Variants in SPECC1L observed in about 807,000 individuals in gnomAD.
The protein encoded by SPECC1L is sperm antigen with calponin homology and coiled-coil domains 1 like.
In SPECC1L, 40 loss-of-function variants were observed where a neutral mutation model predicts 116.8. That is an observed-to-expected ratio of 0.34 (90% CI 0.27 to 0.45). The LOEUF (loss-of-function observed/expected upper bound fraction) is 0.45, where lower values mean the gene tolerates loss of function less well. SPECC1L is among the 20% of genes least tolerant of loss of function. The pLI is 1.00. For synonymous variants in SPECC1L, 504 were observed against 500.6 expected, an observed-to-expected ratio of 1.01 and a Z score of -0.09; for missense variants, 1,110 against 1,373.6, an observed-to-expected ratio of 0.81 and a Z score of 3.03.
intron 14 of SPECC1L, among the ~76,000 whole-genome samples, chr22:24,379,560 G>A (rs2042026643): frequency 6.6e-6 from 1 of 152,006 alleles, no homozygotes. Flanking sequence ...CTAATAATTT[G>A]AAGTTTTTTC....
intron 8 of SPECC1L, 129 bp downstream of exon 8, chr22:24,330,560 C>T (rs2040917500): frequency 1.0e-6 from 1 of 994,278 alleles, no homozygotes; most frequent in Admixed American, 2.0e-5. Flanking sequence ...ATGGAAGTTA[C>T]TCAGCTTTTC....
rs1266693404 is a variant in SPECC1L, at chr22:24,317,335, G to A, written c.307+3869G>A. Among the ~76,000 whole-genome samples the A allele has an allele frequency of 8.8e-4, 105 of 118,776 alleles. 1 individual carries two copies. The highest frequency in any genetic ancestry group is 2.5e-3 in the African/African-American group (85 of 33,760). The allele number at this position is 118,776 out of a possible 152,430, so 77.9% of individuals were successfully genotyped here. ...GGCTGACCCCCCCCACCTCCCTCCC[G>A]GACGGGGCGGCTGGCCGGGCAGAGG... On this transcript the variant is annotated intron_variant, in intron 4 of 16. Coordinates refer to ENST00000314328, the MANE Select transcript of SPECC1L (RefSeq NM_015330.6).
intron 1 of SPECC1L, among the ~76,000 whole-genome samples, chr22:24,271,664 C>T (rs1202608734): frequency 6.6e-6 from 1 of 152,180 alleles, no homozygotes; most frequent in Non-Finnish European, 1.5e-5. Context: ...GGCAAGCTGC[C>T]CTGGAGATGA....
chr22:24,360,159 C>T (rs1418748685), intron 11 of SPECC1L, among the ~76,000 whole-genome samples: 1 of 152,202 alleles, frequency 6.6e-6, no homozygotes, highest in Non-Finnish European at 1.5e-5. Context: ...TATCTCCTGC[C>T]TGCTACACTC....
chr22:24,320,315 G>C (rs529113364), intron 4 of SPECC1L, among the ~76,000 whole-genome samples: 3 of 152,200 alleles, frequency 2.0e-5, no homozygotes, highest in East Asian at 3.9e-4. Context: ...AAAACTTCCT[G>C]TTCTTTTTGT....
At chr22:24,373,081 C>A (rs1466484752) in intron 14 of SPECC1L, among the ~76,000 whole-genome samples, 1 of 152,072 alleles carries the variant, frequency 6.6e-6, no homozygotes, top group Non-Finnish European at 1.5e-5. Flanking sequence ...ACATGAAGGA[C>A]CTCTTCAAGG....
intron 14 of SPECC1L, among the ~76,000 whole-genome samples, chr22:24,396,629 T>C (rs1404637393): frequency 6.6e-6 from 1 of 152,218 alleles, no homozygotes; most frequent in Non-Finnish European, 1.5e-5. Context: ...CTGAAACATA[T>C]TATTATTTCC....
chr22:24,304,104 T>C (rs2049441562), intron 3 of SPECC1L, among the ~76,000 whole-genome samples: 1 of 152,138 alleles, frequency 6.6e-6, no homozygotes, highest in Non-Finnish European at 1.5e-5. Context: ...TTTTTTTTCC[T>C]GTGCTTCTCT....
At chr22:24,301,775 C>T (rs530009939) in intron 2 of SPECC1L, among the ~76,000 whole-genome samples, 75 of 152,222 alleles carry the variant, frequency 4.9e-4, no homozygotes, top group African/African-American at 1.3e-3. Context: ...GAGCCAGGCA[C>T]GGTGCTCACG....
At chr22:24,293,442 A>C (rs1414837761) in intron 2 of SPECC1L, among the ~76,000 whole-genome samples, 1 of 152,000 alleles carries the variant, frequency 6.6e-6, no homozygotes, top group African/African-American at 2.4e-5. Flanking sequence ...ACAGAGCGAG[A>C]CTCCATCTCC....
intron 2 of SPECC1L, among the ~76,000 whole-genome samples, chr22:24,282,454 G>A (rs968694636): frequency 6.6e-6 from 1 of 152,180 alleles, no homozygotes; most frequent in Non-Finnish European, 1.5e-5. Flanking sequence ...GAAGCAAGAT[G>A]GAGTCAGTTA....
chr22:24,284,306 T>G (rs1176615514), intron 2 of SPECC1L, among the ~76,000 whole-genome samples: 3 of 152,212 alleles, frequency 2.0e-5, no homozygotes, highest in Non-Finnish European at 1.5e-5. Context: ...CAAAACACAT[T>G]CTGATTTCCC....
At chr22:24,315,972 C>T (rs564211170) in intron 4 of SPECC1L, among the ~76,000 whole-genome samples, 2 of 152,288 alleles carry the variant, frequency 1.3e-5, no homozygotes, top group Admixed American at 6.5e-5. Context: ...CTTCATCTTA[C>T]GTTAATTACC....
chr22:24,407,971 C>G (rs528222244), intron 14 of SPECC1L, among the ~76,000 whole-genome samples: 16 of 152,306 alleles, frequency 1.1e-4, no homozygotes, highest in African/African-American at 3.8e-4. Flanking sequence ...CTATGATACA[C>G]CTCACTTTGA....
At chr22:24,355,504 C>CT (rs1380991235) in intron 11 of SPECC1L, among the ~76,000 whole-genome samples, 3 of 152,024 alleles carry the variant, frequency 2.0e-5, no homozygotes, top group African/African-American at 7.2e-5. Flanking sequence ...TCTTATTTGT[C>CT]TGTCTGTCTG....
chr22:24,289,946 A>G (rs2049125756), intron 2 of SPECC1L, among the ~76,000 whole-genome samples: 2 of 152,004 alleles, frequency 1.3e-5, no homozygotes, highest in South Asian at 4.1e-4. Flanking sequence ...CTGCCTCCTC[A>G]TTACCCCCGG....
intron 11 of SPECC1L, among the ~76,000 whole-genome samples, chr22:24,358,882 G>A (rs1214787916): frequency 6.6e-6 from 1 of 152,162 alleles, no homozygotes; most frequent in East Asian, 1.9e-4. Flanking sequence ...AGCAGACCTA[G>A]CATGCCCATG....
chr22:24,347,833 G>A (rs922239349), intron 11 of SPECC1L, among the ~76,000 whole-genome samples: 1 of 151,948 alleles, frequency 6.6e-6, no homozygotes, highest in Non-Finnish European at 1.5e-5. Context: ...ACACCACCAC[G>A]CTCAGATAAT....
intron 9 of SPECC1L, among the ~76,000 whole-genome samples, chr22:24,336,249 A>G (rs544267902): frequency 2.6e-5 from 4 of 151,670 alleles, no homozygotes; most frequent in Non-Finnish European, 5.9e-5. Context: ...GCAGGCCAGT[A>G]CATATATATA....
Sources: allele counts gnomAD v4.1 joint callset (sites outside exome capture counted in the v4.1 genomes callset), GRCh38; gene constraint gnomAD v4.1.1; transcripts MANE v1.5; gene names NCBI Gene and HGNC (gene_info 2026-07-23, HGNC 2026-07-21).